Variants in TMEM165 observed in about 807,000 individuals in gnomAD.
TMEM165 encodes the protein putative divalent cation/proton antiporter TMEM165.
TMEM165 carries 19 observed loss-of-function variants against 30.0 expected under a neutral mutation model. That is an observed-to-expected ratio of 0.63 (90% CI 0.44 to 0.93). The LOEUF is 0.93. TMEM165 is among the 40% of genes least tolerant of loss of function. The probability of loss-of-function intolerance (pLI) is 0.00; values close to 1 mark genes in which losing one functional copy is unlikely to be tolerated. For missense variants in TMEM165, 340 were observed against 417.0 expected (o/e 0.82, Z 1.61); for synonymous variants, 168 against 162.9 (o/e 1.03, Z -0.24).
chr4:55,417,015 G>T, intron 2 of TMEM165, 57 bp from the exon 3 acceptor site: 1 of 1,427,872 alleles, frequency 7.0e-7, no homozygotes, highest in South Asian at 1.4e-5. Context: ...GAAGTTAACT[G>T]TTCCCTTGGT....
chr4:55,410,021 T>C (rs963260291), intron 1 of TMEM165, among the ~76,000 whole-genome samples: 2 of 152,250 alleles, frequency 1.3e-5, no homozygotes, highest in Non-Finnish European at 2.9e-5. Context: ...GTAGTTGCCA[T>C]GTATTTGCAG....
At chr4:55,439,653 A>C (rs1035123864) in intron 3 of TMEM165, among the ~76,000 whole-genome samples, 3 of 152,352 alleles carry the variant, frequency 2.0e-5, no homozygotes, top group African/African-American at 7.2e-5. Context: ...AAAACATAGT[A>C]GAGTAGAATA....
Position 55,411,598 on chromosome 4 carries a change from G to C in TMEM165, c.208-16G>C. 1 of 1,554,828 alleles carries C rather than the reference G, an allele frequency of 6.4e-7. No homozygotes were observed. The highest frequency in any genetic ancestry group is 2.2e-5 in the East Asian group (1 of 44,550). On this transcript the variant is annotated splice_polypyrimidine_tract_variant and intron_variant, in intron 1 of 5. Coordinates refer to ENST00000381334, the MANE Select transcript of TMEM165 (RefSeq NM_018475.5). The stretch of plus-strand genomic sequence containing the variant: ...TGAATAATGATTTTAAGAAGTAACT[G>C]ATTTTTTTTTTCCAGAAAATATTTA...
chr4:55,420,352 C>T (rs1473600929), intron 4 of TMEM165, among the ~76,000 whole-genome samples: 6 of 150,784 alleles, frequency 4.0e-5, no homozygotes, highest in African/African-American at 1.2e-4. Context: ...CATAGAGTGA[C>T]GTGTGAAAGG....
chr4:55,434,070 T>C (rs1410851623), intron 3 of TMEM165: 5 of 152,640 alleles, frequency 3.3e-5, no homozygotes, highest in African/African-American at 1.2e-4. Flanking sequence ...GATAGCAGTC[T>C]TCAGAGGAAC....
chr4:55,424,433 C>T (rs1722114098), intron 4 of TMEM165, 105 bp from the exon 5 acceptor site: 3 of 684,984 alleles, frequency 4.4e-6, no homozygotes, highest in Non-Finnish European at 7.8e-6. Flanking sequence ...AACTATTATG[C>T]TTTTTAATTG....
chr4:55,438,649 G>A, intron 3 of TMEM165: 2 of 1,493,842 alleles, frequency 1.3e-6, no homozygotes, highest in Non-Finnish European at 1.8e-6. Context: ...TTGCCAGTTT[G>A]TTTTTCAAGG....
At chr4:55,444,386 C>T (rs1441529979) in intron 3 of TMEM165, among the ~76,000 whole-genome samples, 3 of 151,962 alleles carry the variant, frequency 2.0e-5, no homozygotes, top group African/African-American at 7.3e-5. Context: ...TTCAAACTTA[C>T]TAAAATTTGG....
At chr4:55,447,140 G>A (rs1436317418) in intron 3 of TMEM165, among the ~76,000 whole-genome samples, 1 of 152,158 alleles carries the variant, frequency 6.6e-6, no homozygotes, top group Admixed American at 6.5e-5. Context: ...GCCGAGGTGG[G>A]CAGAATGCTT....
chr4:55,416,897 T>C (rs1578239900), intron 2 of TMEM165, 175 bp from the exon 3 acceptor site: 1 of 540,544 alleles, frequency 1.8e-6, no homozygotes, highest in Non-Finnish European at 3.1e-6. Context: ...GACCTAATGG[T>C]TTATTATTGG....
At chr4:55,432,806 G>A (rs532551524) in intron 3 of TMEM165, 6 of 152,236 alleles carry the variant, frequency 3.9e-5, no homozygotes, top group South Asian at 2.1e-4. Context: ...GATGAGCTGC[G>A]AAGAACAGTA....
At chr4:55,433,631 C>T (rs963362674) in intron 3 of TMEM165, 17 of 152,172 alleles carry the variant, frequency 1.1e-4, no homozygotes, top group Non-Finnish European at 2.2e-4. Context: ...TCCTCTCCTC[C>T]CTTTCCTCAG....
chr4:55,409,118 ATGATACTTGCT>A (rs1264168470), intron 1 of TMEM165, among the ~76,000 whole-genome samples: 1 of 152,174 alleles, frequency 6.6e-6, no homozygotes, highest in Non-Finnish European at 1.5e-5. Context: ...AGCCCTTAAA[ATGATACTTGCT>A]TAATTAATTA....
At chr4:55,404,020 C>T (rs1162254651) in intron 1 of TMEM165, among the ~76,000 whole-genome samples, 1 of 144,826 alleles carries the variant, frequency 6.9e-6, no homozygotes, top group East Asian at 2.2e-4. Context: ...TTCTTTCCTT[C>T]CTTCCTTCCT....
chr4:55,431,971 G>A (rs1260733966), intron 3 of TMEM165: 1 of 152,200 alleles, frequency 6.6e-6, no homozygotes, highest in Non-Finnish European at 1.5e-5. Flanking sequence ...TTAAGGCAAT[G>A]ACCAACAACT....
intron 3 of TMEM165, chr4:55,443,797 G>A: frequency 6.2e-7 from 1 of 1,613,988 alleles, no homozygotes; most frequent in Non-Finnish European, 8.5e-7. Flanking sequence ...ACTTGGCCTT[G>A]CATATTTATA....
intron 3 of TMEM165, chr4:55,443,682 A>G: frequency 6.2e-6 from 10 of 1,611,598 alleles, no homozygotes; most frequent in Middle Eastern, 1.7e-4. Flanking sequence ...GCTCAGTAAC[A>G]TTACCTGAGT....
intron 3 of TMEM165, chr4:55,431,285 C>G (rs1722484366): frequency 2.0e-5 from 3 of 152,060 alleles, no homozygotes; most frequent in African/African-American, 7.2e-5. Context: ...GCGGATGAGG[C>G]TATACTAGTG....
chr4:55,450,096 G>C (rs762379846), intron 3 of TMEM165: 1 of 1,614,144 alleles, frequency 6.2e-7, no homozygotes, highest in South Asian at 1.1e-5. Flanking sequence ...CTCACAGGAA[G>C]GGTCTGAGAC....
Sources: gnomAD v4.1 joint callset for allele counts (sites outside exome capture counted in the v4.1 genomes callset) on GRCh38, gnomAD v4.1.1 for gene constraint, MANE v1.5 for transcripts, NCBI Gene and HGNC (gene_info 2026-07-23, HGNC 2026-07-21) for gene names.